The following HORMAD1 variants were observed in gnomAD, a reference collection of about 807,000 sequenced individuals.
HORMAD1 encodes the protein HORMA domain containing 1.
A neutral mutation model predicts 58.2 loss-of-function variants in HORMAD1; 33 were observed. The ratio of observed to expected loss-of-function variants is 0.57; its 90% CI spans 0.43 to 0.76. The LOEUF is 0.76. HORMAD1 is among the 30% of genes least tolerant of loss of function. HORMAD1 has a pLI of 0.00. For synonymous variants in HORMAD1, 137 were observed against 144.6 expected (o/e 0.95, Z 0.38); for missense variants, 363 against 462.0 (o/e 0.79, Z 1.96).
chr1:150,712,546 G>A (rs915358312), intron 5 of HORMAD1, among the ~76,000 whole-genome samples: 1 of 152,056 alleles, frequency 6.6e-6, no homozygotes, highest in Admixed American at 6.6e-5. Flanking sequence ...TAGGCAAAGT[G>A]ATTTAAAACA....
intron 13 of HORMAD1, chr1:150,701,800 A>G (rs1038468307): frequency 7.9e-5 from 12 of 152,180 alleles, no homozygotes; most frequent in Non-Finnish European, 1.6e-4. Flanking sequence ...TTTATACAAG[A>G]TATATACAAA....
At chr1:150,720,743 G>A (rs1652225926) in intron 1 of HORMAD1, 61 bp downstream of exon 1, 1 of 152,180 alleles carries the variant, frequency 6.6e-6, no homozygotes, top group Non-Finnish European at 1.5e-5. Context: ...GACAGACAAA[G>A]AGATTAAAAA....
intron 14 of HORMAD1, among the ~76,000 whole-genome samples, 200 bp downstream of exon 14, chr1:150,699,912 A>G (rs1651486777): frequency 6.6e-6 from 1 of 152,154 alleles, no homozygotes; most frequent in African/African-American, 2.4e-5. Flanking sequence ...TTACATGGAA[A>G]AAACTAATAA....
chr1:150,715,238 T>C (rs980301128), intron 3 of HORMAD1, among the ~76,000 whole-genome samples: 1 of 152,144 alleles, frequency 6.6e-6, no homozygotes, highest in African/African-American at 2.4e-5. Context: ...AAAAAACTTA[T>C]AGAATCCATG....
chr1:150,703,654 T>G (rs1224108435), intron 12 of HORMAD1, among the ~76,000 whole-genome samples: 3 of 152,112 alleles, frequency 2.0e-5, no homozygotes, highest in Admixed American at 1.3e-4. Flanking sequence ...GACAAGAAAT[T>G]TAGTCTACTT....
At chr1:150,718,344 AT>A (rs34258924) in intron 2 of HORMAD1, among the ~76,000 whole-genome samples, 39,536 of 125,558 alleles carry the variant, frequency 0.31, 4,519 homozygotes, top group South Asian at 0.47. Flanking sequence ...TGCCTGGCTA[AT>A]TTTTTTTTTT....
intron 12 of HORMAD1, among the ~76,000 whole-genome samples, 198 bp downstream of exon 12, chr1:150,703,920 T>C (rs1185523085): frequency 6.6e-6 from 1 of 152,206 alleles, no homozygotes; most frequent in Non-Finnish European, 1.5e-5. Flanking sequence ...TTTAGGTTTA[T>C]TACTAAACAA....
At chr1:150,718,767 G>A (rs1228032097) in intron 2 of HORMAD1, among the ~76,000 whole-genome samples, 2 of 152,010 alleles carry the variant, frequency 1.3e-5, no homozygotes, top group African/African-American at 2.4e-5. Flanking sequence ...TGAGACTACA[G>A]GCGTGAGCCA....
At chr1:150,715,649 G>A (rs1487859465) in intron 3 of HORMAD1, among the ~76,000 whole-genome samples, 1 of 151,866 alleles carries the variant, frequency 6.6e-6, no homozygotes, top group African/African-American at 2.4e-5. Flanking sequence ...GGCTGGTCTT[G>A]AATTCCTGGC....
intron 2 of HORMAD1, among the ~76,000 whole-genome samples, chr1:150,718,646 A>C (rs951281): frequency 0.38 from 58,420 of 151,830 alleles, 11,557 homozygotes; most frequent in South Asian, 0.55. Context: ...TTTCTTTTTG[A>C]GACGGAGTCT....
intron 5 of HORMAD1, among the ~76,000 whole-genome samples, chr1:150,713,383 C>T (rs892803712): frequency 2.0e-5 from 3 of 152,048 alleles, no homozygotes; most frequent in Non-Finnish European, 2.9e-5. Flanking sequence ...ATATTTACTA[C>T]GCCTTAATGG....
At chr1:150,707,591 A>G (rs1253958582) in intron 9 of HORMAD1, among the ~76,000 whole-genome samples, 1 of 152,218 alleles carries the variant, frequency 6.6e-6, no homozygotes, top group Non-Finnish European at 1.5e-5. Context: ...TGATACTGCC[A>G]AATTGTCCTC....
intron 13 of HORMAD1, among the ~76,000 whole-genome samples, chr1:150,701,148 T>C (rs1651524863): frequency 1.3e-5 from 2 of 152,266 alleles, no homozygotes; most frequent in South Asian, 4.1e-4. Flanking sequence ...ACATGTGCAA[T>C]TTCAGAAATA....
chr1:150,705,319 A>G (rs1651660989), intron 10 of HORMAD1, among the ~76,000 whole-genome samples: 1 of 152,128 alleles, frequency 6.6e-6, no homozygotes, highest in Non-Finnish European at 1.5e-5. Context: ...TGAGGTCAAG[A>G]GTCCGAGACT....
rs1355233382 is a variant in HORMAD1, at chr1:150,717,271, T to C, written c.45A>G (p.Val15=). ...GTTCAGTTGATATCTTATTGGGAAA[T>C]ACCAGTGCACTCTAAAATTCAAGGG... ...QLQRTPMSAL[V]FPNKISTEHQ... The change falls in exon 3 of 15, where the codon GTA becomes GTG. Residue 15 remains valine, a synonymous_variant. Transcript: ENST00000361824. The C allele has an allele frequency of 1.3e-6, 2 of 1,558,328 alleles. No individual in the cohort carries two copies. The highest frequency in any genetic ancestry group is 2.3e-5 in the East Asian group (1 of 43,454).
At chr1:150,719,602 C>A (rs1436234771) in intron 1 of HORMAD1, 64 bp from the exon 2 acceptor site, 3 of 738,302 alleles carry the variant, frequency 4.1e-6, no homozygotes, top group Non-Finnish European at 6.6e-6. Context: ...TTCAGTTTAC[C>A]ACATATAAAA....
At chr1:150,719,569 A>T (rs1652181491) in intron 1 of HORMAD1, 31 bp from the exon 2 acceptor site, 2 of 1,174,910 alleles carry the variant, frequency 1.7e-6, no homozygotes, top group Non-Finnish European at 2.4e-6. Context: ...TTTAACTTAG[A>T]GCTCATTTTT....
intron 5 of HORMAD1, 49 bp from the exon 6 acceptor site, chr1:150,711,902 T>C (rs746466148): frequency 1.6e-6 from 2 of 1,246,392 alleles, no homozygotes; most frequent in East Asian, 2.4e-5. Context: ...TATAAAATAA[T>C]TTTTCATTAC....
intron 9 of HORMAD1, among the ~76,000 whole-genome samples, chr1:150,707,017 T>G (rs1238063551): frequency 6.6e-6 from 1 of 152,198 alleles, no homozygotes; most frequent in Non-Finnish European, 1.5e-5. Flanking sequence ...TCTGTGACCT[T>G]GAGTAAATTA....
Sources: gnomAD v4.1 joint callset for allele counts (sites outside exome capture counted in the v4.1 genomes callset) on GRCh38, gnomAD v4.1.1 for gene constraint, MANE v1.5 for transcripts, NCBI Gene and HGNC (gene_info 2026-07-23, HGNC 2026-07-21) for gene names.